SORCS3: variants seen among roughly 807,000 people sequenced by gnomAD.
The protein encoded by SORCS3 is VPS10 domain-containing receptor SorCS3.
SORCS3 carries 57 observed loss-of-function variants against 146.3 expected under a neutral mutation model. That is an observed-to-expected ratio of 0.39 (90% CI 0.31 to 0.49). The LOEUF is 0.49. Among genes scored for constraint, SORCS3 ranks in the 20% least tolerant of loss-of-function variants. The pLI is 0.92. For synonymous variants in SORCS3, 653 were observed against 618.5 expected, an observed-to-expected ratio of 1.06 and a Z score of -0.83; for missense variants, 1,341 against 1,575.5, an observed-to-expected ratio of 0.85 and a Z score of 2.52.
At chr10:104,723,442 G>T (rs948312722) in intron 1 of SORCS3, among the ~76,000 whole-genome samples, 2 of 152,160 alleles carry the variant, frequency 1.3e-5, no homozygotes, top group Non-Finnish European at 2.9e-5. Context: ...GTGCTGAAAA[G>T]AATTTATATT....
chr10:105,263,220 G>T, intron 26 of SORCS3, 90 bp from the exon 27 acceptor site: 2 of 1,248,326 alleles, frequency 1.6e-6, no homozygotes, highest in Non-Finnish European at 2.3e-6. Context: ...CCTGTTCTGG[G>T]TGGCTTGGTA....
Position 104,847,557 on chromosome 10 carries a change from A to G in SORCS3, c.695+4698A>G, listed in dbSNP as rs544684577. ...GGAACTTCAGGTGTGAGGTCACCACAGGTATGCAGTCCCCACAGGTGCAAG... is the reference window on the plus strand; with the variant it reads ...GGAACTTCAGGTGTGAGGTCACCACGGGTATGCAGTCCCCACAGGTGCAAG... On this transcript the variant is annotated intron_variant, in intron 2 of 26. Coordinates refer to ENST00000369701, the MANE Select transcript of SORCS3 (RefSeq NM_014978.3). Among the ~76,000 whole-genome samples, 3 of 152,318 alleles carry G rather than the reference A, an allele frequency of 2.0e-5. No individual in the cohort carries two copies. The South Asian group carries it at 6.2e-4, about 32-fold the overall frequency.
chr10:104,775,902 C>T (rs2017302407), intron 1 of SORCS3, among the ~76,000 whole-genome samples: 1 of 152,164 alleles, frequency 6.6e-6, no homozygotes, highest in Non-Finnish European at 1.5e-5. Flanking sequence ...TGACCCCTGG[C>T]AAGTGCTTGA....
At chr10:104,976,828 A>G (rs1193022135) in intron 3 of SORCS3, among the ~76,000 whole-genome samples, 2 of 152,050 alleles carry the variant, frequency 1.3e-5, no homozygotes, top group Non-Finnish European at 2.9e-5. Context: ...CAAACACCGC[A>G]TATTCTCACT....
intron 5 of SORCS3, among the ~76,000 whole-genome samples, chr10:105,057,893 G>A (rs984623726): frequency 5.3e-5 from 8 of 152,128 alleles, no homozygotes; most frequent in Non-Finnish European, 1.0e-4. Context: ...TCTCATTTAG[G>A]AATCCTGAAA....
intron 1 of SORCS3, among the ~76,000 whole-genome samples, chr10:104,683,377 T>C (rs1316786064): frequency 6.6e-6 from 1 of 152,160 alleles, no homozygotes; most frequent in East Asian, 1.9e-4. Context: ...TGCTTTGAAA[T>C]GAATCCTCAC....
intron 1 of SORCS3, among the ~76,000 whole-genome samples, chr10:104,667,442 A>G (rs2015795633): frequency 6.6e-6 from 1 of 152,162 alleles, no homozygotes; most frequent in African/African-American, 2.4e-5. Flanking sequence ...ACTCCTCAAG[A>G]GAGAGAAAAC....
At chr10:104,795,884 A>G (rs903600484) in intron 1 of SORCS3, among the ~76,000 whole-genome samples, 1 of 152,186 alleles carries the variant, frequency 6.6e-6, no homozygotes, top group African/African-American at 2.4e-5. Context: ...TCCACCTGCA[A>G]CCAAGATTCT....
intron 1 of SORCS3, among the ~76,000 whole-genome samples, chr10:104,690,920 T>C (rs2016104046): frequency 6.6e-6 from 1 of 152,232 alleles, no homozygotes; most frequent in Non-Finnish European, 1.5e-5. Context: ...AAGCTGTTTC[T>C]ATGTGTTTGA....
intron 4 of SORCS3, among the ~76,000 whole-genome samples, chr10:105,002,619 A>C (rs1254104938): frequency 6.6e-6 from 1 of 152,244 alleles, no homozygotes; most frequent in Non-Finnish European, 1.5e-5. Flanking sequence ...CACTAACCAC[A>C]TTTCAAGTAT....
intron 1 of SORCS3, among the ~76,000 whole-genome samples, chr10:104,766,942 A>G (rs2017188123): frequency 6.6e-6 from 1 of 152,210 alleles, no homozygotes; most frequent in South Asian, 2.1e-4. Context: ...GTTTGATTTA[A>G]CATAAATATT....
chr10:105,207,423 T>A (rs1273156485), intron 16 of SORCS3, among the ~76,000 whole-genome samples: 1 of 152,096 alleles, frequency 6.6e-6, no homozygotes, highest in Non-Finnish European at 1.5e-5. Context: ...CTGTTATAGT[T>A]GAGAAAGACA....
chr10:105,076,143 G>T (rs1030131241), intron 5 of SORCS3, among the ~76,000 whole-genome samples: 2 of 152,076 alleles, frequency 1.3e-5, no homozygotes, highest in East Asian at 1.9e-4. Flanking sequence ...GAAGATTTTT[G>T]ATTGTTATAT....
chr10:105,100,978 A>G (rs948375425), intron 6 of SORCS3, among the ~76,000 whole-genome samples: 9 of 152,230 alleles, frequency 5.9e-5, no homozygotes, highest in African/African-American at 1.4e-4. Context: ...CAGTCTGCAC[A>G]TAGTAAGTCC....
chr10:105,009,153 T>C (rs1359932355), intron 4 of SORCS3, among the ~76,000 whole-genome samples: 1 of 152,194 alleles, frequency 6.6e-6, no homozygotes, highest in African/African-American at 2.4e-5. Context: ...GTTCTTATTA[T>C]TTCCAAGTTG....
At chr10:104,766,974 A>T (rs907826919) in intron 1 of SORCS3, among the ~76,000 whole-genome samples, 1 of 152,222 alleles carries the variant, frequency 6.6e-6, no homozygotes, top group Admixed American at 6.5e-5. Flanking sequence ...AGTATTATAG[A>T]CAAGGTTCAT....
intron 4 of SORCS3, among the ~76,000 whole-genome samples, chr10:105,000,635 G>T (rs2055055454): frequency 6.6e-6 from 1 of 152,058 alleles, no homozygotes; most frequent in East Asian, 1.9e-4. Flanking sequence ...AGCTAGCTTG[G>T]GGTTTTATTT....
intron 1 of SORCS3, among the ~76,000 whole-genome samples, chr10:104,694,576 C>G (rs1458843420): frequency 6.6e-6 from 1 of 152,082 alleles, no homozygotes; most frequent in Non-Finnish European, 1.5e-5. Context: ...AAAGTTATCC[C>G]ACTCCCTGGG....
chr10:105,098,759 C>T (rs762107695), intron 6 of SORCS3, among the ~76,000 whole-genome samples: 14 of 152,220 alleles, frequency 9.2e-5, no homozygotes, highest in Non-Finnish European at 1.6e-4. Flanking sequence ...CTACTGTTGT[C>T]ATCGTCATTG....
Sources: allele counts gnomAD v4.1 joint callset (sites outside exome capture counted in the v4.1 genomes callset), GRCh38; gene constraint gnomAD v4.1.1; transcripts MANE v1.5; gene names NCBI Gene and HGNC (gene_info 2026-07-23, HGNC 2026-07-21).